The following ASH1L variants were observed in gnomAD, a reference collection of about 807,000 sequenced individuals.
ASH1L encodes the protein ASH1 like histone lysine methyltransferase.
A neutral mutation model predicts 269.0 loss-of-function variants in ASH1L; 23 were observed. The ratio of observed to expected loss-of-function variants is 0.09; its 90% CI spans 0.06 to 0.12. ASH1L has a LOEUF of 0.12. Among genes scored for constraint, ASH1L ranks in the 10% least tolerant of loss-of-function variants. The pLI is 1.00. For missense variants in ASH1L, 2,912 were observed against 3,567.8 expected (o/e 0.82, Z 4.68); for synonymous variants, 1,187 against 1,253.5 (o/e 0.95, Z 1.12).
chr1:155,512,390 C>G (rs916851184), intron 2 of ASH1L, among the ~76,000 whole-genome samples: 2 of 149,662 alleles, frequency 1.3e-5, no homozygotes, highest in Non-Finnish European at 3.0e-5. Context: ...GCATGCAAGC[C>G]TGGGTGACAG....
chr1:155,383,376 C>A (rs1228233182), intron 7 of ASH1L, among the ~76,000 whole-genome samples: 1 of 152,152 alleles, frequency 6.6e-6, no homozygotes, highest in Non-Finnish European at 1.5e-5. Context: ...CTGTAAGCTC[C>A]ATTCAGGTAA....
At chr1:155,530,752 A>C (rs1050242677) in intron 1 of ASH1L, among the ~76,000 whole-genome samples, 4 of 150,402 alleles carry the variant, frequency 2.7e-5, no homozygotes, top group Admixed American at 1.3e-4. Context: ...GAAAAAAAAA[A>C]ATCAAAAAAA....
Position 155,479,155 on chromosome 1 carries a change from T to G in ASH1L, c.3715A>C (p.Thr1239Pro). 6.2e-7 allele frequency: 1 copy of G among 1,614,172 alleles called. No homozygotes were observed. Among genetic ancestry groups the G allele is most frequent in the Non-Finnish European group, 8.5e-7 (1 of 1,180,026 alleles). The change falls in exon 3 of 28, where the codon ACA becomes CCA. Residue 1239 changes from threonine (T) to proline (P), a missense_variant. Physicochemically the swap from Thr to Pro is conservative, Grantham distance 38. Around this residue, in one of 13 missense-constraint regions of ASH1L, gnomAD observed 789 missense variants for 897.6 expected, o/e 0.88. Coordinates refer to ENST00000392403, the MANE Select transcript of ASH1L (RefSeq NM_018489.3). ...HVSLIPPETS[T>P]VLSSLKEKHK... is the part of the protein sequence containing the mutation. ...TTTTCTTTAAGACTGCTTAGCACTGTAGAGGTTTCAGGGGGAATCAGAGAA... is the reference window on the plus strand; with the variant it reads ...TTTTCTTTAAGACTGCTTAGCACTGGAGAGGTTTCAGGGGGAATCAGAGAA...
At chr1:155,342,152 T>C in intron 24 of ASH1L, 50 bp from the exon 25 acceptor site, 5 of 1,590,222 alleles carry the variant, frequency 3.1e-6, no homozygotes, top group Non-Finnish European at 4.3e-6. Flanking sequence ...TTTCTCCCCC[T>C]GAGCTGCCCA....
Position 155,481,329 on chromosome 1 carries a change from T to G in ASH1L, c.1541A>C (p.Tyr514Ser), listed in dbSNP as rs570668202. The G allele has an allele frequency of 1.9e-6, 3 of 1,614,158 alleles. No individual in the cohort carries two copies. Among genetic ancestry groups the G allele is most frequent in the Admixed American group, 1.7e-5 (1 of 60,022 alleles). ...CTGCTTTTCATGCTTTGAGGTTTCA[T>G]AAGATCCCTTTTCACTGGATGAGAA... is the stretch of plus-strand genomic sequence containing the variant. ...DSFSSSEKGS[Y>S]ETSKHEKQPP... Residue 514 changes from tyrosine to serine, a missense_variant, in exon 3 of 28, where the codon TAT becomes TCT. Physicochemically the swap from Tyr to Ser is moderately radical, Grantham distance 144. This residue lies in a region of ASH1L where 715 missense variants were observed against 721.0 expected (regional missense o/e 0.99). Transcript: ENST00000392403.
intron 2 of ASH1L, among the ~76,000 whole-genome samples, chr1:155,503,227 G>T (rs1667625392): frequency 6.6e-6 from 1 of 152,136 alleles, no homozygotes; most frequent in African/African-American, 2.4e-5. Flanking sequence ...AAGATGTTAG[G>T]ATCATTTTTG....
intron 1 of ASH1L, among the ~76,000 whole-genome samples, chr1:155,550,420 A>C (rs552008287): frequency 6.6e-6 from 1 of 152,190 alleles, no homozygotes; most frequent in Admixed American, 6.5e-5. Context: ...CTTGAAATAC[A>C]AAACTAGATA....
chr1:155,444,646 C>T (rs749156656), intron 4 of ASH1L, among the ~76,000 whole-genome samples: 3 of 151,928 alleles, frequency 2.0e-5, no homozygotes, highest in African/African-American at 7.3e-5. Context: ...GATGAAGTCT[C>T]GCTTTATCAC....
At chr1:155,407,554 T>C (rs139863914) in intron 6 of ASH1L, among the ~76,000 whole-genome samples, 333 of 152,274 alleles carry the variant, frequency 2.2e-3, no homozygotes, top group African/African-American at 7.2e-3. Flanking sequence ...AGATAGACTA[T>C]GAAGTATCTA....
In ASH1L at chr1:155,438,656, T is replaced by C. The variant is rs1158229319; in HGVS notation, c.5499A>G (p.Lys1833=). 2 of 1,614,262 alleles carry C rather than the reference T, an allele frequency of 1.2e-6. No homozygotes were observed. The highest frequency in any genetic ancestry group is 1.7e-5 in the Admixed American group (1 of 60,026). Residue 1833 remains lysine (K), a synonymous_variant, in exon 5 of 28, where the codon AAA becomes AAG. Coordinates refer to ENST00000392403, the MANE Select transcript of ASH1L (RefSeq NM_018489.3). ...CTGTCCTGGCCTGCCTTTGAAGTTT[T>C]TTGGCTTTTAAGATTTTATTGACAT... ...LDHVNKILKA[K]KLQRQARTGN...
chr1:155,341,466 G>A (rs980890339), intron 25 of ASH1L, among the ~76,000 whole-genome samples: 8 of 152,112 alleles, frequency 5.3e-5, no homozygotes, highest in South Asian at 4.1e-4. Flanking sequence ...GTGAGCCACC[G>A]CGCCTGGCTC....
chr1:155,459,494 C>A (rs180775536), intron 4 of ASH1L, among the ~76,000 whole-genome samples: 52 of 152,308 alleles, frequency 3.4e-4, no homozygotes, highest in African/African-American at 1.0e-3. Context: ...CAGCGCCTGG[C>A]CTTAAGCAAT....
chr1:155,465,584 T>C (rs1488196680), intron 3 of ASH1L, among the ~76,000 whole-genome samples: 1 of 152,232 alleles, frequency 6.6e-6, no homozygotes, highest in African/African-American at 2.4e-5. Context: ...ATATTATCGA[T>C]TTTAAAATAA....
intron 1 of ASH1L, among the ~76,000 whole-genome samples, chr1:155,533,712 C>T (rs753203396): frequency 2.7e-5 from 4 of 146,238 alleles, no homozygotes; most frequent in South Asian, 2.1e-4. Flanking sequence ...AGCGAGACTC[C>T]GTCTCAAAAA....
At chr1:155,346,517 G>A in intron 20 of ASH1L, 48 bp from the exon 21 acceptor site, 3 of 1,530,680 alleles carry the variant, frequency 2.0e-6, no homozygotes, top group Non-Finnish European at 9.0e-7. Context: ...ATGACTTATT[G>A]AGAGTGTCCT....
rs778359125 is a variant in ASH1L, at chr1:155,481,447, C to G, written c.1423G>C (p.Glu475Gln). The change falls in exon 3 of 28, where the codon GAA becomes CAA. Residue 475 changes from glutamate (E) to glutamine (Q), a missense_variant. Around this residue, in one of 13 missense-constraint regions of ASH1L, gnomAD observed 715 missense variants for 721.0 expected, o/e 0.99. Transcript: ENST00000392403. ...FEKNVVRQNK[E>Q]SILEKFSVRK... ...ACTGAGAACTTTTCCAATATGCTTT[C>G]TTTATTCTGCCGTACAACATTCTTT... The G allele has an allele frequency of 1.2e-6, 2 of 1,614,034 alleles. No individual in the cohort carries two copies. Among genetic ancestry groups the G allele is most frequent in the Admixed American group, 3.3e-5 (2 of 60,010 alleles).
intron 4 of ASH1L, among the ~76,000 whole-genome samples, chr1:155,444,254 T>G (rs920881562): frequency 2.0e-5 from 3 of 152,262 alleles, no homozygotes; most frequent in East Asian, 1.9e-4. Flanking sequence ...AGTCCTGGGA[T>G]TACAGGTGTG....
intron 2 of ASH1L, among the ~76,000 whole-genome samples, chr1:155,509,878 A>C (rs780017203): frequency 2.0e-5 from 3 of 152,218 alleles, no homozygotes; most frequent in Admixed American, 6.5e-5. Flanking sequence ...ACCATAACTC[A>C]TAAACCATAA....
At chr1:155,452,676 T>C (rs1486856823) in intron 4 of ASH1L, among the ~76,000 whole-genome samples, 1 of 151,796 alleles carries the variant, frequency 6.6e-6, no homozygotes, top group Non-Finnish European at 1.5e-5. Context: ...TGCCTCAGCC[T>C]CCCAAGTAGC....
Sources: gnomAD v4.1 joint callset for allele counts (sites outside exome capture counted in the v4.1 genomes callset) on GRCh38, gnomAD v4.1.1 for gene constraint, gnomAD v4.1.1 regional missense constraint, MANE v1.5 for transcripts, NCBI Gene and HGNC (gene_info 2026-07-23, HGNC 2026-07-21) for gene names.